Variants in FABP7 observed in about 807,000 individuals in gnomAD.
FABP7 encodes fatty acid binding protein 7.
In FABP7, 13 loss-of-function variants were observed where a neutral mutation model predicts 14.2. The ratio of observed to expected loss-of-function variants is 0.91; its 90% CI spans 0.59 to 1.45. The LOEUF is 1.45. Ranked by LOEUF, FABP7 falls within the 40% of genes most tolerant of loss-of-function variation. FABP7 has a pLI of 0.00. For synonymous variants in FABP7, 49 were observed against 51.4 expected (o/e 0.95, Z 0.20); for missense variants, 149 against 157.6 (o/e 0.95, Z 0.29).
chr6:122,776,464 A>C (rs1357447965), upstream of FABP7, among the ~76,000 whole-genome samples: 1 of 152,148 alleles, frequency 6.6e-6, no homozygotes, highest in Non-Finnish European at 1.5e-5. Context: ...GAGCCAAAAA[A>C]AATCAATCTC....
intron 3 of FABP7, chr6:122,781,480 A>G: frequency 7.3e-7 from 1 of 1,373,714 alleles, no homozygotes; most frequent in Non-Finnish European, 9.4e-7. Flanking sequence ...CTGTGTCAAA[A>G]GATTTTTTGT....
intron 3 of FABP7, chr6:122,782,930 C>T (rs1780830185): frequency 1.0e-6 from 1 of 985,154 alleles, no homozygotes; most frequent in Admixed American, 6.2e-5. Context: ...ATGCTTTTAC[C>T]TCCATTTTTT....
the FABP7 span, among the ~76,000 whole-genome samples, chr6:122,758,270 G>A: frequency 6.6e-6 from 1 of 152,060 alleles, no homozygotes; most frequent in Non-Finnish European, 1.5e-5. Flanking sequence ...ACCACATCTG[G>A]TTAATTTTTG....
At chr6:122,764,867 G>A in the FABP7 span, among the ~76,000 whole-genome samples, 1 of 152,134 alleles carries the variant, frequency 6.6e-6, no homozygotes, top group African/African-American at 2.4e-5. Flanking sequence ...ACTTGATCTT[G>A]TCTCAAACAG....
At chr6:122,765,331 A>G in the FABP7 span, among the ~76,000 whole-genome samples, 2 of 152,090 alleles carry the variant, frequency 1.3e-5, no homozygotes, top group Non-Finnish European at 2.9e-5. Context: ...TTTTTCATTA[A>G]CCAAATCAGC....
the FABP7 span, among the ~76,000 whole-genome samples, chr6:122,764,854 A>G: frequency 6.6e-6 from 1 of 152,156 alleles, no homozygotes; most frequent in Non-Finnish European, 1.5e-5. Context: ...ATTTGACAGC[A>G]AAACTTGATC....
chr6:122,754,939 T>G, the FABP7 span, among the ~76,000 whole-genome samples: 4 of 152,094 alleles, frequency 2.6e-5, no homozygotes, highest in Non-Finnish European at 5.9e-5. Context: ...ACCTTTCTAC[T>G]GGTTATTTCC....
Position 122,783,155 on chromosome 6 carries a change from T to TA in FABP7, c.349-560dup, listed in dbSNP as rs1316791387. ...CTTCAAGTTAGATTTGACATTAGAG[T>TA]AATAGAGCTGATGTTCCGCATCCTA... On this transcript the variant is annotated intron_variant, in intron 3 of 3. Transcript: ENST00000368444. The TA allele has an allele frequency of 8.1e-6, 8 of 985,256 alleles. No homozygotes were observed. In the African/African-American group the frequency reaches 1.4e-4, roughly 17 times the overall value. The allele number at this position is 985,256 out of a possible 1,614,324, so 61.0% of individuals were successfully genotyped here. A position where few individuals can be genotyped will look rare whatever the true frequency, so the allele number is the denominator to read the frequency against.
intron 2 of FABP7, among the ~76,000 whole-genome samples, chr6:122,780,779 GC>G (rs1023350727): frequency 7.4e-4 from 113 of 152,282 alleles, no homozygotes; most frequent in African/African-American, 2.4e-3. Flanking sequence ...TCCCCAGGTT[GC>G]CTCAGATTGA....
the FABP7 span, among the ~76,000 whole-genome samples, chr6:122,767,044 A>G: frequency 6.6e-6 from 1 of 152,074 alleles, no homozygotes; most frequent in African/African-American, 2.4e-5. Flanking sequence ...CTAAGAATAA[A>G]TCTTAAAAAA....
the FABP7 span, among the ~76,000 whole-genome samples, chr6:122,769,248 A>G: frequency 2.0e-5 from 3 of 152,188 alleles, no homozygotes; most frequent in Non-Finnish European, 4.4e-5. Context: ...GGTTTCCCCA[A>G]TAATGTTTTC....
chr6:122,781,280 T>G (rs1780777430), intron 3 of FABP7, 86 bp downstream of exon 3: 1 of 1,563,154 alleles, frequency 6.4e-7, no homozygotes, highest in Non-Finnish European at 8.7e-7. Flanking sequence ...TCCCTCCTCC[T>G]TCCATTCTTC....
upstream of FABP7, among the ~76,000 whole-genome samples, chr6:122,775,357 T>C (rs1459032689): frequency 6.6e-6 from 1 of 152,062 alleles, no homozygotes; most frequent in Non-Finnish European, 1.5e-5. Flanking sequence ...GAAAAAGTTT[T>C]TATATTTACA....
intron 3 of FABP7, chr6:122,783,404 T>C (rs6901889): frequency 0.99 from 979,879 of 985,044 alleles, 487,546 homozygotes; most frequent in South Asian, 1. Context: ...AAGCAGATAG[T>C]TGAGAAAACA....
upstream of FABP7, among the ~76,000 whole-genome samples, chr6:122,779,135 A>G (rs189437259): frequency 1.5e-3 from 225 of 152,232 alleles, 2 homozygotes; most frequent in South Asian, 1.2e-3. Flanking sequence ...CAAGCAGTAT[A>G]TCCAGGGAAG....
the FABP7 span, among the ~76,000 whole-genome samples, chr6:122,763,195 A>G: frequency 6.6e-6 from 1 of 152,224 alleles, no homozygotes; most frequent in Non-Finnish European, 1.5e-5. Flanking sequence ...ACAGATATAT[A>G]GATCAATGGA....
At chr6:122,781,033 C>T in intron 2 of FABP7, 60 bp from the exon 3 acceptor site, 5 of 1,532,996 alleles carry the variant, frequency 3.3e-6, no homozygotes, top group Non-Finnish European at 4.4e-6. Flanking sequence ...ACATCGTCTT[C>T]CGTATCAGAA....
upstream of FABP7, among the ~76,000 whole-genome samples, chr6:122,778,871 CTAAA>C (rs1287139403): frequency 1.3e-5 from 2 of 152,146 alleles, no homozygotes; most frequent in Non-Finnish European, 2.9e-5. Flanking sequence ...TAAAGTCTTA[CTAAA>C]TAATCTTCTG....
At chr6:122,775,662 G>T (rs897344472), upstream of FABP7, among the ~76,000 whole-genome samples, 22 of 149,992 alleles carry the variant, frequency 1.5e-4, no homozygotes, top group African/African-American at 5.4e-4. Flanking sequence ...GGACAAATAG[G>T]ACTATATCAA....
Sources: allele counts gnomAD v4.1 joint callset (sites outside exome capture counted in the v4.1 genomes callset), GRCh38; gene constraint gnomAD v4.1.1; transcripts MANE v1.5; gene names NCBI Gene and HGNC (gene_info 2026-07-23, HGNC 2026-07-21).